NCF4: variants seen among roughly 807,000 people sequenced by gnomAD.
The protein encoded by NCF4 is neutrophil cytosol factor 4.
NCF4 carries 30 observed loss-of-function variants against 41.7 expected under a neutral mutation model. That is an observed-to-expected ratio of 0.72 (90% CI 0.54 to 0.97). The LOEUF (loss-of-function observed/expected upper bound fraction) is 0.97. Ranked by LOEUF, NCF4 falls within the 50% of genes least tolerant of loss-of-function variation. The pLI, the probability that NCF4 is intolerant of heterozygous loss-of-function variation, is 0.00. For synonymous variants in NCF4, 195 were observed against 175.8 expected, an observed-to-expected ratio of 1.11 and a Z score of -0.87; for missense variants, 432 against 460.9, an observed-to-expected ratio of 0.94 and a Z score of 0.57.
intron 2 of NCF4, 51 bp downstream of exon 2, chr22:36,864,180 G>A (rs1569110329): frequency 6.8e-7 from 1 of 1,463,304 alleles, no homozygotes; most frequent in East Asian, 2.3e-5. Flanking sequence ...CTTCCACCCA[G>A]CTGACCTCTG....
chr22:36,877,509 G>A (rs1569117625), intron 9 of NCF4, 119 bp from the exon 10 acceptor site: 2 of 1,011,184 alleles, frequency 2.0e-6, no homozygotes, highest in East Asian at 2.4e-5. Context: ...ACACGGGCTT[G>A]TATCAGGCTC....
In NCF4 at chr22:36,872,254, A is replaced by C. The variant is rs753499920; in HGVS notation, c.529-73A>C. On this transcript the variant is annotated intron_variant, in intron 6 of 9. Transcript: ENST00000248899. ...CTACATCTGTAAAATGGGAGACTAA[A>C]GTATGTAAGGCACTTCTATAGGAAC... 1.0e-5 allele frequency: 12 copies of C among 1,183,328 alleles called. No individual in the cohort carries two copies. The African/African-American group carries it at 1.7e-4, about 16-fold the overall frequency. 73.3% of individuals were successfully genotyped at this position (1,183,328 alleles called of 1,614,324 possible). A position where few individuals can be genotyped will look rare whatever the true frequency, so the allele number is the denominator to read the frequency against.
chr22:36,867,782 GC>G lies in NCF4; in HGVS notation c.342+325del, dbSNP rs908858628. On this transcript the variant is annotated intron_variant, in intron 4 of 9. Coordinates refer to ENST00000248899, the MANE Select transcript of NCF4 (RefSeq NM_000631.5). Reference sequence around the variant, plus strand: ...CAAAGGTGAATTCCATCCAGTGTCTGCCCCCAAGGTACCCACTGTCCTATGG... The same window carrying G: ...CAAAGGTGAATTCCATCCAGTGTCTGCCCCAAGGTACCCACTGTCCTATGG... Among the ~76,000 whole-genome samples, 20 of 152,332 alleles carry G rather than the reference GC, an allele frequency of 1.3e-4. No homozygotes were observed. In the South Asian group the frequency reaches 1.4e-3, roughly 11 times the overall value.
At chr22:36,875,352 G>A (rs1940169035) in intron 7 of NCF4, among the ~76,000 whole-genome samples, 1 of 152,156 alleles carries the variant, frequency 6.6e-6, no homozygotes, top group African/African-American at 2.4e-5. Context: ...TCTATTTTGA[G>A]AGCCCAGAGC....
At chr22:36,861,271 C>T (rs926953029) in intron 1 of NCF4, 68 bp downstream of exon 1, 9 of 1,518,594 alleles carry the variant, frequency 5.9e-6, no homozygotes, top group African/African-American at 1.4e-5. Context: ...GGACAAAGGC[C>T]AGTCCTTCTG....
rs999941231 is a variant in NCF4 at position 36,867,468 on chromosome 22, A to C, written c.342+6A>C. 6.2e-7 allele frequency: 1 copy of C among 1,613,992 alleles called. No individual in the cohort carries two copies. Among genetic ancestry groups the C allele is most frequent in the African/African-American group, 1.3e-5 (1 of 74,928 alleles). On this transcript the variant is annotated splice_donor_region_variant and intron_variant, in intron 4 of 9. Coordinates refer to ENST00000248899, the MANE Select transcript of NCF4 (RefSeq NM_000631.5). ...CCCTCAACGCCTACATGAAGGTACC[A>C]GTGGGCCTTGCCACCTTGGCACGTG...
At chr22:36,869,284 T>C (rs1939998603) in intron 4 of NCF4, among the ~76,000 whole-genome samples, 1 of 152,172 alleles carries the variant, frequency 6.6e-6, no homozygotes. Flanking sequence ...CTGGTGTTGT[T>C]CTAAGGATTC....
intron 3 of NCF4, among the ~76,000 whole-genome samples, 171 bp from the exon 4 acceptor site, chr22:36,867,221 A>G (rs928952925): frequency 1.3e-5 from 2 of 152,092 alleles, no homozygotes; most frequent in African/African-American, 4.8e-5. Context: ...TGAGAGGATG[A>G]AAGTTGGATG....
Position 36,875,861 on chromosome 22 carries a change from A to T in NCF4, c.758+78A>T, listed in dbSNP as rs757566507. 4 of 1,613,718 alleles carry T rather than the reference A, an allele frequency of 2.5e-6. No homozygotes were observed. The Admixed American group carries it at 6.7e-5, about 27-fold the overall frequency. On this transcript the variant is annotated intron_variant, in intron 8 of 9. Transcript: ENST00000248899. ...CCACTGCCCCTCACATCACCTTCTC[A>T]TGGGTCCCTCTCCCACTCCAAAGCC...
intron 4 of NCF4, 140 bp from the exon 5 acceptor site, chr22:36,870,275 A>C: frequency 2.5e-6 from 3 of 1,211,284 alleles, no homozygotes; most frequent in South Asian, 1.2e-5. Flanking sequence ...TCTTTTAAAC[A>C]ACGCATTTCT....
At chr22:36,863,415 A>G (rs1051830345) in intron 1 of NCF4, among the ~76,000 whole-genome samples, 9 of 151,260 alleles carry the variant, frequency 6.0e-5, no homozygotes, top group Non-Finnish European at 1.0e-4. Context: ...CTATGCCTCG[A>G]GCATCTGCCA....
chr22:36,868,051 A>G (rs1438582437), intron 4 of NCF4, among the ~76,000 whole-genome samples: 1 of 152,144 alleles, frequency 6.6e-6, no homozygotes, highest in African/African-American at 2.4e-5. Flanking sequence ...ATGAGATGGG[A>G]GCGTAGAGGA....
intron 9 of NCF4, among the ~76,000 whole-genome samples, 155 bp from the exon 10 acceptor site, chr22:36,877,473 C>T (rs1940217678): frequency 6.6e-6 from 1 of 152,140 alleles, no homozygotes; most frequent in Non-Finnish European, 1.5e-5. Context: ...CCCATCTGTA[C>T]AATGGGAGGT....
At chr22:36,871,509 A>G in intron 5 of NCF4, 143 bp from the exon 6 acceptor site, 1 of 892,888 alleles carries the variant, frequency 1.1e-6, no homozygotes, top group Non-Finnish European at 1.8e-6. Context: ...GCCCGCCCAG[A>G]GGAGCAATTG....
chr22:36,870,116 T>G, intron 4 of NCF4: 3 of 438,848 alleles, frequency 6.8e-6, no homozygotes, highest in African/African-American at 2.0e-5. Context: ...CGCCGGGTCA[T>G]GTTAGTTGTC....
At chr22:36,867,597 TA>T in intron 4 of NCF4, 135 bp downstream of exon 4, 1 of 924,770 alleles carries the variant, frequency 1.1e-6, no homozygotes, top group Non-Finnish European at 1.7e-6. Flanking sequence ...CTTCAATCCC[TA>T]AAGGCCTGGT....
Position 36,872,409 on chromosome 22 carries a change from A to G in NCF4, c.611A>G (p.Asn204Ser). The change falls in exon 7 of 10, where the codon AAC becomes AGC. Residue 204 changes from asparagine (N) to serine (S), a missense_variant. By Grantham distance (46) the Asn-to-Ser change is conservative. Transcript: ENST00000248899. ...GTGATCTTCCTCCTCAGTCGGATCA[A>G]CAAAGACTGGCTGGAGGTGAGTTCA... is the stretch of plus-strand genomic sequence containing the variant. ...GDVIFLLSRI[N>S]KDWLEGTVRG... is the part of the protein sequence containing the mutation. The G allele has an allele frequency of 6.2e-7, 1 of 1,610,596 alleles. No individual in the cohort carries two copies. The highest frequency in any genetic ancestry group is 2.2e-5 in the East Asian group (1 of 44,882).
chr22:36,871,295 A>C (rs1940049189), intron 5 of NCF4, among the ~76,000 whole-genome samples: 1 of 152,252 alleles, frequency 6.6e-6, no homozygotes, highest in Non-Finnish European at 1.5e-5. Context: ...CCTCAGCTGA[A>C]AAATTAGAAA....
intron 8 of NCF4, 90 bp downstream of exon 8, chr22:36,875,873 C>T (rs756178255): frequency 6.8e-6 from 11 of 1,613,968 alleles, no homozygotes; most frequent in Non-Finnish European, 2.5e-6. Flanking sequence ...GGGTCCCTCT[C>T]CCACTCCAAA....
Sources: allele counts gnomAD v4.1 joint callset (sites outside exome capture counted in the v4.1 genomes callset), GRCh38; gene constraint gnomAD v4.1.1; transcripts MANE v1.5; gene names NCBI Gene and HGNC (gene_info 2026-07-23, HGNC 2026-07-21).